Variants in SLC15A2 observed in about 807,000 individuals in gnomAD.
The protein encoded by SLC15A2 is kidney H(+)/peptide cotransporter.
In SLC15A2, 77 loss-of-function variants were observed where a neutral mutation model predicts 95.5. The ratio of observed to expected loss-of-function variants is 0.81; its 90% CI spans 0.67 to 0.97. SLC15A2 has a LOEUF of 0.97. SLC15A2 is among the 50% of genes least tolerant of loss of function. SLC15A2 has a pLI of 0.00. For missense variants in SLC15A2, 893 were observed against 874.4 expected (o/e 1.02, Z -0.27); for synonymous variants, 306 against 306.9 (o/e 1.00, Z 0.03).
At chr3:121,896,923 G>A (rs533332144) in intron 2 of SLC15A2, among the ~76,000 whole-genome samples, 3 of 148,964 alleles carry the variant, frequency 2.0e-5, no homozygotes, top group African/African-American at 2.5e-5. Flanking sequence ...AAAAAAAGGG[G>A]GGGGAGGGAA....
chr3:121,934,221 G>A (rs1710291348), intron 19 of SLC15A2, among the ~76,000 whole-genome samples: 1 of 152,148 alleles, frequency 6.6e-6, no homozygotes, highest in African/African-American at 2.4e-5. Context: ...TGTTCTTTTG[G>A]CTTAGGATTG....
rs1553738321 is a variant in SLC15A2, at chr3:121,934,974, G to GCATT, written c.1761+3240_1761+3241insATTC. 2.0e-3 allele frequency among the ~76,000 whole-genome samples: 309 copies of GCATT among 151,780 alleles called. 1 individual carries two copies. The highest frequency in any genetic ancestry group is 0.017 in the Middle Eastern group (5 of 294). ...ATTTATTGAGAGTTTTTAGCATGAA[G>GCATT]CGTTGTTGAATTTTGTCAAAGGCCT... On this transcript the variant is annotated intron_variant, in intron 19 of 21. Coordinates refer to ENST00000489711, the MANE Select transcript of SLC15A2 (RefSeq NM_021082.4).
In SLC15A2 at chr3:121,922,867, T is replaced by C; in HGVS notation, c.867+6T>C. 3 of 1,611,256 alleles carry C rather than the reference T, an allele frequency of 1.9e-6. No homozygotes were observed. Among genetic ancestry groups the C allele is most frequent in the Non-Finnish European group, 2.5e-6 (3 of 1,177,426 alleles). On this transcript the variant is annotated splice_donor_region_variant and intron_variant, in intron 9 of 21. Coordinates refer to ENST00000489711, the MANE Select transcript of SLC15A2 (RefSeq NM_021082.4). Reference sequence around the variant, plus strand: ...GGGCGGCTGAGAAATATCCAGTAAGTTGGAAATGCAGAAACATCTTATGGC... The same window carrying C: ...GGGCGGCTGAGAAATATCCAGTAAGCTGGAAATGCAGAAACATCTTATGGC...
At chr3:121,936,418 C>T (rs1263492069) in intron 19 of SLC15A2, among the ~76,000 whole-genome samples, 3 of 152,158 alleles carry the variant, frequency 2.0e-5, no homozygotes, top group Non-Finnish European at 4.4e-5. Context: ...TTGTGGGTCA[C>T]TGAGGACTTG....
In SLC15A2 at chr3:121,894,581, G is replaced by A. The variant is rs766073572; in HGVS notation, c.105G>A (p.Pro35=). Residue 35 remains proline (P), a splice_region_variant and synonymous_variant, in exon 1 of 22, where the codon CCG becomes CCA. Transcript: ENST00000489711. The part of the protein sequence containing the change: ...RPPSPPKKPS[P]TICGSNYPLS... ...CTAGCCCTCCAAAGAAGCCATCTCC[G>A]GTGAGTCCTTAGATTCAATCCTGCC... 5.6e-6 allele frequency: 9 copies of A among 1,611,398 alleles called. No individual in the cohort carries two copies. The highest frequency in any genetic ancestry group is 2.2e-5 in the South Asian group (2 of 90,932).
intron 3 of SLC15A2, among the ~76,000 whole-genome samples, chr3:121,905,400 T>C (rs546488943): frequency 6.6e-6 from 1 of 152,152 alleles, no homozygotes; most frequent in African/African-American, 2.4e-5. Context: ...GCTTTTGAAT[T>C]TGTTTGCTCT....
Position 121,940,903 on chromosome 3 carries a change from T to C in SLC15A2, c.2086T>C (p.Tyr696His), listed in dbSNP as rs1710450092. The change falls in exon 22 of 22, where the codon TAT becomes CAT. Residue 696 changes from tyrosine (Y) to histidine (H), a missense_variant. By Grantham distance (83) the Tyr-to-His change is moderately conservative (BLOSUM62 2). Coordinates refer to ENST00000489711, the MANE Select transcript of SLC15A2 (RefSeq NM_021082.4). ...GATCTTCTCCATCATGGGCTACTAC[T>C]ATGTTCCTGTAAAGACAGAGGATAT... ...CLIFSIMGYY[Y>H]VPVKTEDMRG... The C allele has an allele frequency of 1.2e-6, 2 of 1,614,194 alleles. No homozygotes were observed. Among genetic ancestry groups the C allele is most frequent in the Non-Finnish European group, 1.7e-6 (2 of 1,180,008 alleles).
intron 1 of SLC15A2, among the ~76,000 whole-genome samples, chr3:121,895,798 T>G (rs948321713): frequency 6.6e-6 from 1 of 152,090 alleles, no homozygotes; most frequent in South Asian, 2.1e-4. Flanking sequence ...GTAGGAAGAG[T>G]AGACATTTAA....
intron 19 of SLC15A2, among the ~76,000 whole-genome samples, chr3:121,936,220 G>A (rs1710343240): frequency 6.6e-6 from 1 of 152,146 alleles, no homozygotes; most frequent in Non-Finnish European, 1.5e-5. Context: ...GTGGTGTGGT[G>A]CTGAAAAAAA....
At chr3:121,905,693 T>C (rs1158334441) in intron 3 of SLC15A2, among the ~76,000 whole-genome samples, 1 of 152,252 alleles carries the variant, frequency 6.6e-6, no homozygotes, top group African/African-American at 2.4e-5. Context: ...TCTAATTTGA[T>C]TGCACTGTGT....
rs67563324 is a variant in SLC15A2, at chr3:121,925,726, CTATATATATATATATATATATATATATA to C, written c.1124+722_1124+749del. 8.4e-3 allele frequency among the ~76,000 whole-genome samples: 284 copies of C among 33,834 alleles called. 6 individuals are homozygous for C. Among genetic ancestry groups the C allele is most frequent in the South Asian group, 0.033 (20 of 602 alleles). The allele number at this position is 33,834 out of a possible 152,430, so 22.2% of individuals were successfully genotyped here. A position where few individuals can be genotyped will look rare whatever the true frequency, so the allele number is the denominator to read the frequency against. ...TTTATTACTTAGTAAAGGGGCTAGA[CTATATATATATATATATATATATATATA>C]TATATATATATATATATATATATAT... On this transcript the variant is annotated intron_variant, in intron 13 of 21. Transcript: ENST00000489711.
intron 1 of SLC15A2, 72 bp from the exon 2 acceptor site, chr3:121,896,333 GT>G: frequency 1.6e-6 from 2 of 1,222,044 alleles, no homozygotes; most frequent in Non-Finnish European, 1.2e-6. Context: ...GAATTTTTCA[GT>G]TTTGAAGAAA....
chr3:121,912,872 A>C, intron 4 of SLC15A2, 149 bp from the exon 5 acceptor site: 1 of 604,478 alleles, frequency 1.7e-6, no homozygotes, highest in Non-Finnish European at 3.0e-6. Context: ...CCTCCTAGGA[A>C]TAAAGGCAAA....
At position 121,927,827 on chromosome 3, in the gene SLC15A2, G is replaced by A. The variant is rs868666980; in HGVS notation, c.1194G>A (p.Glu398=). 1 of 1,613,020 alleles carries A rather than the reference G, an allele frequency of 6.2e-7. No individual in the cohort carries two copies. Among genetic ancestry groups the A allele is most frequent in the South Asian group, 1.1e-5 (1 of 91,066 alleles). Residue 398 remains glutamate (E), a synonymous_variant, in exon 14 of 22, where the codon GAG becomes GAA. Transcript: ENST00000489711. ...CATTTGCAGTTGCGGCAGCTGTAGA[G>A]ATAAAAATAAATGTGAGTTCAGTAA... ...CLAFAVAAAV[E]IKINEMAPAQ...
At position 121,925,121 on chromosome 3, in the gene SLC15A2, T is replaced by C. The variant is rs1343450786; in HGVS notation, c.1124+88T>C. The C allele has an allele frequency of 1.8e-5, 17 of 926,276 alleles. No individual in the cohort carries two copies. The East Asian group carries it at 3.6e-4, about 20-fold the overall frequency. 57.4% of individuals were successfully genotyped at this position (926,276 alleles called of 1,614,324 possible). A position where few individuals can be genotyped will look rare whatever the true frequency, so the allele number is the denominator to read the frequency against. On this transcript the variant is annotated intron_variant, in intron 13 of 21. Coordinates refer to ENST00000489711, the MANE Select transcript of SLC15A2 (RefSeq NM_021082.4). ...AAAGATTCAATGTCAGTATTTTTCT[T>C]AGTGAGGATTGGTTTTAGTTTATCA...
At chr3:121,897,589 C>A in intron 3 of SLC15A2, 60 bp downstream of exon 3, 2 of 1,551,562 alleles carry the variant, frequency 1.3e-6, no homozygotes, top group Non-Finnish European at 1.8e-6. Context: ...AAGGCTATCA[C>A]TTCTAGCCTC....
Position 121,931,733 on chromosome 3 carries a change from A to G in SLC15A2, c.1759A>G (p.Asn587Asp). 2 of 1,592,676 alleles carry G rather than the reference A, an allele frequency of 1.3e-6. No individual in the cohort carries two copies. Among genetic ancestry groups the G allele is most frequent in the Non-Finnish European group, 1.7e-6 (2 of 1,160,662 alleles). The change falls in exon 19 of 22, where the codon AAT becomes GAT. Residue 587 changes from asparagine to aspartate, a missense_variant and splice_region_variant. By Grantham distance (23) the Asn-to-Asp change is conservative. Coordinates refer to ENST00000489711, the MANE Select transcript of SLC15A2 (RefSeq NM_021082.4). ...FGAAYLFVIT[N>D]NTNQGLQAWK... is the part of the protein sequence containing the mutation. Reference sequence around the variant, plus strand: ...TGCAGCATATCTGTTTGTTATTACTAATGTAAGTAGCTCACAGCCACCTCT... The same window carrying G: ...TGCAGCATATCTGTTTGTTATTACTGATGTAAGTAGCTCACAGCCACCTCT...
intron 3 of SLC15A2, among the ~76,000 whole-genome samples, chr3:121,899,622 A>G (rs1259331972): frequency 6.6e-6 from 1 of 152,190 alleles, no homozygotes; most frequent in East Asian, 1.9e-4. Flanking sequence ...AATATAATGC[A>G]ATATAATCCA....
chr3:121,914,212 G>A (rs1321964261), intron 5 of SLC15A2, among the ~76,000 whole-genome samples: 1 of 152,176 alleles, frequency 6.6e-6, no homozygotes, highest in Non-Finnish European at 1.5e-5. Context: ...GTGGAATAAG[G>A]TTTAAATTGA....
Sources: allele counts gnomAD v4.1 joint callset (sites outside exome capture counted in the v4.1 genomes callset), GRCh38; gene constraint gnomAD v4.1.1; transcripts MANE v1.5; gene names NCBI Gene and HGNC (gene_info 2026-07-23, HGNC 2026-07-21).